The following PPP1R21 variants were observed in gnomAD, a reference collection of about 807,000 sequenced individuals.
The protein encoded by PPP1R21 is protein phosphatase 1 regulatory subunit 21.
A neutral mutation model predicts 112.8 loss-of-function variants in PPP1R21; 85 were observed. The observed-to-expected ratio is 0.75, with a 90% CI of 0.63 to 0.90. The LOEUF (loss-of-function observed/expected upper bound fraction) is 0.90. Ranked by LOEUF, PPP1R21 falls within the 40% of genes least tolerant of loss-of-function variation. The pLI, the probability that PPP1R21 is intolerant of heterozygous loss-of-function variation, is 0.00. For missense variants in PPP1R21, 1,199 were observed against 901.5 expected (o/e 1.33, Z -4.23); for synonymous variants, 381 against 322.3 (o/e 1.18, Z -1.95).
intron 12 of PPP1R21, among the ~76,000 whole-genome samples, chr2:48,476,162 T>C (rs775920564): frequency 4.6e-5 from 7 of 152,186 alleles, no homozygotes; most frequent in Non-Finnish European, 7.4e-5. Flanking sequence ...ACATTCTGGC[T>C]ATATATTTGC....
At chr2:48,505,540 A>AAGATT in intron 17 of PPP1R21, 24 bp from the exon 18 acceptor site, 1 of 1,533,666 alleles carries the variant, frequency 6.5e-7, no homozygotes, top group Admixed American at 2.0e-5. Flanking sequence ...TCTGTTCTAA[A>AAGATT]AGATTTTTCC....
intron 9 of PPP1R21, among the ~76,000 whole-genome samples, chr2:48,466,501 A>G (rs1668211405): frequency 6.6e-6 from 1 of 151,988 alleles, no homozygotes; most frequent in Non-Finnish European, 1.5e-5. Context: ...TGCTGGGATT[A>G]CAGGTGTAAG....
At chr2:48,463,255 G>A (rs1271548525) in intron 7 of PPP1R21, among the ~76,000 whole-genome samples, 1 of 152,190 alleles carries the variant, frequency 6.6e-6, no homozygotes, top group Non-Finnish European at 1.5e-5. Flanking sequence ...CCAGTGATCA[G>A]GAGGCAGAGG....
chr2:48,453,799 A>G (rs1372921479), intron 2 of PPP1R21, among the ~76,000 whole-genome samples: 1 of 152,240 alleles, frequency 6.6e-6, no homozygotes, highest in African/African-American at 2.4e-5. Context: ...ACTGATTTTT[A>G]TCTTTGATAT....
intron 4 of PPP1R21, among the ~76,000 whole-genome samples, chr2:48,458,737 C>G (rs1247699206): frequency 6.6e-6 from 1 of 152,004 alleles, no homozygotes; most frequent in Non-Finnish European, 1.5e-5. Flanking sequence ...ATGTCAGGCA[C>G]TCAGATATTT....
At position 48,486,728 on chromosome 2, in the gene PPP1R21, A is replaced by G; in HGVS notation, c.1416A>G (p.Ser472=). The change falls in exon 14 of 22, where the codon TCA becomes TCG. Residue 472 remains serine, a synonymous_variant. Coordinates refer to ENST00000294952, the MANE Select transcript of PPP1R21 (RefSeq NM_001135629.3). ...LITTNDCILS[S]VVALTNGAGK... is the part of the protein sequence containing the mutation. Reference sequence around the variant, plus strand: ...CAACTAATGACTGTATCCTGTCATCAGTAGTGGCATTAACAAATGGAGCAG... The same window carrying G: ...CAACTAATGACTGTATCCTGTCATCGGTAGTGGCATTAACAAATGGAGCAG... 6.2e-7 allele frequency: 1 copy of G among 1,613,974 alleles called. No homozygotes were observed.
chr2:48,440,861 G>A lies in PPP1R21; in HGVS notation c.-93G>A, dbSNP rs1384000375. On this transcript the variant is annotated 5_prime_UTR_variant, in exon 1 of 22. Transcript: ENST00000294952. ...TGCGGTGGCCAAGCAGGCAGATACTGCCTGACCCGTTCCCGGGAGCGTGTC... is the reference window on the plus strand; with the variant it reads ...TGCGGTGGCCAAGCAGGCAGATACTACCTGACCCGTTCCCGGGAGCGTGTC... 3.3e-6 allele frequency: 3 copies of A among 917,578 alleles called. No homozygotes were observed. Among genetic ancestry groups the A allele is most frequent in the Admixed American group, 2.3e-5 (1 of 43,976 alleles). The allele number at this position is 917,578 out of a possible 1,614,324, so 56.8% of individuals were successfully genotyped here.
In PPP1R21 at chr2:48,495,721, C is replaced by A. The variant is rs187070973; in HGVS notation, c.1642C>A (p.Arg548Ser). The change falls in exon 16 of 22, where the codon CGC (arginine) becomes AGC (serine). Residue 548 changes from arginine (R) to serine (S), a missense_variant. Arg to Ser is a moderately radical substitution (Grantham distance 110). Coordinates refer to ENST00000294952, the MANE Select transcript of PPP1R21 (RefSeq NM_001135629.3). ...SVPYEEALAN[R>S]RILLSSTESR... is the part of the protein sequence containing the mutation. The stretch of plus-strand genomic sequence containing the variant: ...GCCTTATGAAGAAGCACTGGCAAAC[C>A]GCCGCATCCTTCTCAGCTCTACTGA... 1 of 1,612,480 alleles carries A rather than the reference C, an allele frequency of 6.2e-7. No individual in the cohort carries two copies. Among genetic ancestry groups the A allele is most frequent in the Non-Finnish European group, 8.5e-7 (1 of 1,178,564 alleles).
At chr2:48,513,300 G>A (rs1224961761) in intron 21 of PPP1R21, among the ~76,000 whole-genome samples, 2 of 151,706 alleles carry the variant, frequency 1.3e-5, no homozygotes, top group Non-Finnish European at 2.9e-5. Context: ...CACCTCCCAG[G>A]TTCAAGAGAT....
intron 15 of PPP1R21, among the ~76,000 whole-genome samples, chr2:48,493,447 A>G (rs529645994): frequency 6.6e-6 from 1 of 152,292 alleles, no homozygotes; most frequent in African/African-American, 2.4e-5. Context: ...TTATTTTTGT[A>G]TCATCAAATA....
chr2:48,469,535 T>TATATATAGAGAG (rs1553339307), intron 9 of PPP1R21, among the ~76,000 whole-genome samples: 3 of 73,234 alleles, frequency 4.1e-5, no homozygotes, highest in South Asian at 4.7e-4. Context: ...TATATATATA[T>TATATATAGAGAG]AGAGCATATA....
chr2:48,500,141 C>T (rs4371401), intron 17 of PPP1R21, among the ~76,000 whole-genome samples: 146,153 of 152,220 alleles, frequency 0.96, 70,427 homozygotes, highest in Middle Eastern at 0.99. Context: ...TCTTTAGGCC[C>T]TATTGCATCT....
At chr2:48,499,756 T>C (rs1670019622) in intron 17 of PPP1R21, among the ~76,000 whole-genome samples, 1 of 152,226 alleles carries the variant, frequency 6.6e-6, no homozygotes, top group Admixed American at 6.5e-5. Context: ...TCTTGCCTTA[T>C]TGATAATTAC....
intron 21 of PPP1R21, 105 bp from the exon 22 acceptor site, chr2:48,514,610 G>A (rs774568911): frequency 8.3e-5 from 66 of 799,774 alleles, no homozygotes; most frequent in Non-Finnish European, 1.4e-4. Context: ...TTGGAAGCTA[G>A]TGTTCCAAAG....
chr2:48,454,769 T>C, intron 3 of PPP1R21, 28 bp downstream of exon 3: 1 of 1,587,906 alleles, frequency 6.3e-7, no homozygotes, highest in East Asian at 2.2e-5. Flanking sequence ...CAAGTTAGTG[T>C]GACCTTGTCG....
chr2:48,459,817 C>T lies in PPP1R21; in HGVS notation c.439C>T (p.Leu147=). Residue 147 remains leucine, a synonymous_variant, in exon 5 of 22, where the codon CTG becomes TTG. Transcript: ENST00000294952. The part of the protein sequence containing the change: ...EAELRSRLAT[L]ETEAAQHQAV... ...AGAGCTGAGGAGTCGACTGGCCACT[C>T]TGGAGACAGAAGCAGCCCAGCACCA... The T allele has an allele frequency of 6.2e-7, 1 of 1,614,156 alleles. No individual in the cohort carries two copies. The highest frequency in any genetic ancestry group is 2.2e-5 in the East Asian group (1 of 44,892).
rs548101751 is a variant in PPP1R21 at position 48,453,080 on chromosome 2, A to G, written c.127-1515A>G. On this transcript the variant is annotated intron_variant, in intron 2 of 21. Coordinates refer to ENST00000294952, the MANE Select transcript of PPP1R21 (RefSeq NM_001135629.3). ...GTGATTCTTGTGCTTCAGCCTCCTGAGTCACTGGGATCACAGGCGTGCACC... is the reference window on the plus strand; with the variant it reads ...GTGATTCTTGTGCTTCAGCCTCCTGGGTCACTGGGATCACAGGCGTGCACC... 4.4e-4 allele frequency among the ~76,000 whole-genome samples: 67 copies of G among 151,474 alleles called. 1 individual carries two copies. The highest frequency in any genetic ancestry group is 7.2e-4 in the Non-Finnish European group (49 of 67,944).
Position 48,514,997 on chromosome 2 carries a change from T to G in PPP1R21, c.*253T>G. 2.1e-6 allele frequency: 1 copy of G among 471,854 alleles called. No homozygotes were observed. Among genetic ancestry groups the G allele is most frequent in the South Asian group, 4.2e-5 (1 of 23,886 alleles). The allele number at this position is 471,854 out of a possible 1,614,324, so 29.2% of individuals were successfully genotyped here. ...GTCATGGATATTGTAGGTTTCCTTA[T>G]GCTGTTTTTACTGTGCACTTTTTAA... On this transcript the variant is annotated 3_prime_UTR_variant, in exon 22 of 22. Transcript: ENST00000294952.
intron 7 of PPP1R21, 85 bp from the exon 8 acceptor site, chr2:48,464,852 T>G: frequency 1.0e-6 from 1 of 985,614 alleles, no homozygotes; most frequent in Non-Finnish European, 1.5e-6. Context: ...TGATTTTGCT[T>G]CAGAGCATTC....
Sources: allele counts gnomAD v4.1 joint callset (sites outside exome capture counted in the v4.1 genomes callset), GRCh38; gene constraint gnomAD v4.1.1; transcripts MANE v1.5; gene names NCBI Gene and HGNC (gene_info 2026-07-23, HGNC 2026-07-21).